PPRC1: variants seen among roughly 807,000 people sequenced by gnomAD.
PPRC1 encodes the protein peroxisome proliferator-activated receptor gamma coactivator-related protein 1.
PPRC1 carries 23 observed loss-of-function variants against 132.5 expected under a neutral mutation model. The observed-to-expected ratio is 0.17, with a 90% CI of 0.12 to 0.25. The LOEUF (loss-of-function observed/expected upper bound fraction) is 0.25, where lower values mean the gene tolerates loss of function less well. PPRC1 is among the 10% of genes least tolerant of loss of function. The pLI, the probability that PPRC1 is intolerant of heterozygous loss-of-function variation, is 1.00. For synonymous variants in PPRC1, 872 were observed against 833.5 expected (o/e 1.05, Z -0.80); for missense variants, 2,006 against 2,089.1 (o/e 0.96, Z 0.78).
intron 6 of PPRC1, among the ~76,000 whole-genome samples, 173 bp downstream of exon 6, chr10:102,143,271 C>A (rs371669420): frequency 6.6e-6 from 1 of 151,900 alleles, no homozygotes; most frequent in Admixed American, 6.6e-5. Flanking sequence ...AAGCCAGGGA[C>A]GGCAGTGATA....
the PPRC1 span, chr10:102,120,036 G>T: frequency 3.6e-6 from 5 of 1,373,754 alleles, no homozygotes; most frequent in Non-Finnish European, 4.9e-6. Flanking sequence ...TGAGGGGTCC[G>T]CAGGGACGGC....
chr10:102,120,245 G>A, the PPRC1 span: 242 of 982,796 alleles, frequency 2.5e-4, no homozygotes, highest in Non-Finnish European at 2.8e-4. Flanking sequence ...GCCTCGGCCC[G>A]GTGCGGGCGG....
chr10:102,134,056 C>T (rs1357697116), intron 1 of PPRC1, among the ~76,000 whole-genome samples: 2 of 151,864 alleles, frequency 1.3e-5, no homozygotes, highest in East Asian at 1.9e-4. Context: ...TCCGTCTGAC[C>T]GGCTTGGGGT....
upstream of PPRC1, among the ~76,000 whole-genome samples, chr10:102,130,649 C>A (rs2068526634): frequency 6.6e-6 from 1 of 150,926 alleles, no homozygotes; most frequent in Non-Finnish European, 1.5e-5. Context: ...GCACAAGAAT[C>A]ACTTGAACCT....
At chr10:102,125,403 C>T in the PPRC1 span, among the ~76,000 whole-genome samples, 2 of 151,846 alleles carry the variant, frequency 1.3e-5, no homozygotes, top group Admixed American at 1.3e-4. Flanking sequence ...GGATTATAGG[C>T]ATGAGCCACC....
At position 102,133,042 on chromosome 10, in the gene PPRC1, A is replaced by AG; in HGVS notation, c.-26dup. 1 of 1,239,858 alleles carries AG rather than the reference A, an allele frequency of 8.1e-7. No homozygotes were observed. The highest frequency in any genetic ancestry group is 4.1e-5 in the South Asian group (1 of 24,324). 76.8% of individuals were successfully genotyped at this position (1,239,858 alleles called of 1,614,324 possible). A position where few individuals can be genotyped will look rare whatever the true frequency, so the allele number is the denominator to read the frequency against. The stretch of plus-strand genomic sequence containing the variant: ...TGGGCGAGGCGGCGCCAGCGATCAG[A>AG]GCAGCGCTGGGTGTTCAGGGGCCAA... On this transcript the variant is annotated 5_prime_UTR_variant, in exon 1 of 14. Coordinates refer to ENST00000278070, the MANE Select transcript of PPRC1 (RefSeq NM_015062.5).
upstream of PPRC1, among the ~76,000 whole-genome samples, chr10:102,132,167 G>A (rs1481538999): frequency 6.6e-6 from 1 of 152,178 alleles, no homozygotes; most frequent in Non-Finnish European, 1.5e-5. Flanking sequence ...TTAAATCTGG[G>A]CAGTAGAACT....
chr10:102,143,517 T>C (rs934301630), intron 6 of PPRC1, among the ~76,000 whole-genome samples: 1 of 150,802 alleles, frequency 6.6e-6, no homozygotes, highest in Non-Finnish European at 1.5e-5. Context: ...GAGAATTGTT[T>C]GAACCCAGCA....
At position 102,139,765 on chromosome 10, in the gene PPRC1, G is replaced by A. The variant is rs143219353; in HGVS notation, c.1257G>A (p.Glu419=). The A allele has an allele frequency of 6.8e-5, 110 of 1,614,066 alleles. No individual in the cohort carries two copies. The highest frequency in any genetic ancestry group is 9.3e-5 in the Non-Finnish European group (110 of 1,180,052). ...AAGAGGGGTTGTCATTGAACTCAGA[G>A]GAGAAGCTGGACTCAGCCTGCTTAT... ...SEKEGLSLNS[E]EKLDSACLLK... The change falls in exon 5 of 14, where the codon GAG becomes GAA. Residue 419 remains glutamate (E), a synonymous_variant. Coordinates refer to ENST00000278070, the MANE Select transcript of PPRC1 (RefSeq NM_015062.5).
At position 102,150,073 on chromosome 10, in the gene PPRC1, C is replaced by T; in HGVS notation, c.*44C>T. On this transcript the variant is annotated 3_prime_UTR_variant, in exon 14 of 14. Transcript: ENST00000278070. The stretch of plus-strand genomic sequence containing the variant: ...TATCCTTTTTCTCCTTTGGAGGTGC[C>T]CAACCTCCTCCACCCCCTTCCCCTA... 1 of 1,400,822 alleles carries T rather than the reference C, an allele frequency of 7.1e-7. No individual in the cohort carries two copies. Among genetic ancestry groups the T allele is most frequent in the East Asian group, 2.3e-5 (1 of 43,794 alleles). The allele number at this position is 1,400,822 out of a possible 1,614,324, so 86.8% of individuals were successfully genotyped here. A position where few individuals can be genotyped will look rare whatever the true frequency, so the allele number is the denominator to read the frequency against.
chr10:102,138,787 G>T, intron 3 of PPRC1, 22 bp downstream of exon 3: 2 of 1,614,084 alleles, frequency 1.2e-6, no homozygotes, highest in Non-Finnish European at 8.5e-7. Context: ...ACCAGGGGAA[G>T]GGGATTAGTA....
At chr10:102,146,308 G>A (rs1300900215) in intron 8 of PPRC1, among the ~76,000 whole-genome samples, 2 of 152,156 alleles carry the variant, frequency 1.3e-5, no homozygotes, top group African/African-American at 4.8e-5. Context: ...AGCTGCAAGT[G>A]GGGAGACGAT....
At chr10:102,120,292 C>A in the PPRC1 span, 1 of 983,868 alleles carries the variant, frequency 1.0e-6, no homozygotes, top group Non-Finnish European at 1.2e-6. Flanking sequence ...AGGCGCGGAG[C>A]AGACAGGAAG....
intron 13 of PPRC1, 38 bp downstream of exon 13, chr10:102,149,367 A>G: frequency 1.3e-6 from 2 of 1,528,654 alleles, no homozygotes; most frequent in Non-Finnish European, 1.8e-6. Flanking sequence ...GGAATGCTTC[A>G]TCCCCTCCCC....
chr10:102,133,132 G>C lies in PPRC1; in HGVS notation c.64G>C (p.Asp22His). The C allele has an allele frequency of 1.6e-6, 2 of 1,251,340 alleles. No homozygotes were observed. Among genetic ancestry groups the C allele is most frequent in the South Asian group, 8.1e-5 (2 of 24,814 alleles). The allele number at this position is 1,251,340 out of a possible 1,614,324, so 77.5% of individuals were successfully genotyped here. A position where few individuals can be genotyped will look rare whatever the true frequency, so the allele number is the denominator to read the frequency against. Residue 22 changes from aspartate to histidine, a missense_variant, in exon 1 of 14, where the codon GAC (aspartate) becomes CAC (histidine). Around this residue, in one of 2 missense-constraint regions of PPRC1, gnomAD observed 1,914 missense variants for 1,917.2 expected, o/e 1.00. Transcript: ENST00000278070. ...GCCCCCGAGTGGGGGCCCCGGTCCG[G>C]ACCCTGGCGGGGGAGCCCGCGGCAG... is the stretch of plus-strand genomic sequence containing the variant. ...APPPSGGPGP[D>H]PGGGARGSGW...
chr10:102,135,007 A>G (rs1468801183), intron 1 of PPRC1, among the ~76,000 whole-genome samples: 1 of 152,228 alleles, frequency 6.6e-6, no homozygotes, highest in Non-Finnish European at 1.5e-5. Context: ...TTGAAATACC[A>G]TTATGTTTAG....
At chr10:102,120,440 C>T in the PPRC1 span, 2 of 969,782 alleles carry the variant, frequency 2.1e-6, no homozygotes, top group African/African-American at 1.8e-5. Context: ...CGAGCGCCCC[C>T]CTCTCCGCCC....
At position 102,139,925 on chromosome 10, in the gene PPRC1, G is replaced by A; in HGVS notation, c.1417G>A (p.Glu473Lys). 6.2e-7 allele frequency: 1 copy of A among 1,614,272 alleles called. No individual in the cohort carries two copies. Among genetic ancestry groups the A allele is most frequent in the Non-Finnish European group, 8.5e-7 (1 of 1,180,054 alleles). Residue 473 changes from glutamate to lysine, a missense_variant, in exon 5 of 14, where the codon GAA becomes AAA. This residue lies in a region of PPRC1 where 1,914 missense variants were observed against 1,917.2 expected (regional missense o/e 1.00). Coordinates refer to ENST00000278070, the MANE Select transcript of PPRC1 (RefSeq NM_015062.5). Reference sequence around the variant, plus strand: ...CAAGGAGCAGCCAGCAGCCTGTGTGGAAGGCTATGCCAGGAGGCTGAGGTC... The same window carrying A: ...CAAGGAGCAGCCAGCAGCCTGTGTGAAAGGCTATGCCAGGAGGCTGAGGTC... ...KSKEQPAACV[E>K]GYARRLRSSS...
chr10:102,149,487 C>G (rs1211361604), intron 13 of PPRC1, among the ~76,000 whole-genome samples, 158 bp downstream of exon 13: 1 of 152,150 alleles, frequency 6.6e-6, no homozygotes, highest in Non-Finnish European at 1.5e-5. Flanking sequence ...AATCCCAGCA[C>G]TTTGGGAGGC....
Sources: allele counts gnomAD v4.1 joint callset (sites outside exome capture counted in the v4.1 genomes callset), GRCh38; gene constraint gnomAD v4.1.1; regional missense constraint gnomAD v4.1.1; transcripts MANE v1.5; gene names NCBI Gene and HGNC (gene_info 2026-07-23, HGNC 2026-07-21).